ATP8B4: variants seen among roughly 807,000 people sequenced by gnomAD.
ATP8B4 encodes probable phospholipid-transporting ATPase IM.
ATP8B4 carries 133 observed loss-of-function variants against 145.6 expected under a neutral mutation model. That is an observed-to-expected ratio of 0.91 (90% confidence interval 0.79 to 1.05). The LOEUF (loss-of-function observed/expected upper bound fraction) is 1.05, where lower values mean the gene tolerates loss of function less well. Among genes scored for constraint, ATP8B4 ranks in the 50% least tolerant of loss-of-function variants. The pLI, the probability that ATP8B4 is intolerant of heterozygous loss-of-function variation, is 0.00. For synonymous variants in ATP8B4, 507 were observed against 492.9 expected, an observed-to-expected ratio of 1.03 and a Z score of -0.38; for missense variants, 1,458 against 1,425.2, an observed-to-expected ratio of 1.02 and a Z score of -0.37.
chr15:50,175,497 G>C lies in ATP8B4; in HGVS notation c.-43+6764C>G, dbSNP rs184495215. 7.2e-5 allele frequency among the ~76,000 whole-genome samples: 11 copies of C among 152,058 alleles called. 1 individual carries two copies. Among genetic ancestry groups the C allele is most frequent in the Admixed American group, 7.2e-4 (11 of 15,274 alleles). On this transcript the variant is annotated intron_variant, in intron 1 of 3. Transcript: ENST00000558829. ...AGAAACTAACCAACGAATCTAATCA[G>C]TAAGAAAACAACAAACAATCCTATC...
At chr15:49,864,769 C>T (rs147657493) in intron 26 of ATP8B4, among the ~76,000 whole-genome samples, 211 of 152,230 alleles carry the variant, frequency 1.4e-3, no homozygotes, top group African/African-American at 4.9e-3. Flanking sequence ...ATCACCATCA[C>T]CATGGTTAAC....
At chr15:49,994,318 TCA>T (rs924319794) in intron 9 of ATP8B4, among the ~76,000 whole-genome samples, 1 of 152,128 alleles carries the variant, frequency 6.6e-6, no homozygotes, top group Non-Finnish European at 1.5e-5. Flanking sequence ...CCCCATCGTT[TCA>T]CACTCTCTTC....
chr15:50,056,483 C>T (rs1273953014), intron 3 of ATP8B4, among the ~76,000 whole-genome samples: 1 of 152,064 alleles, frequency 6.6e-6, no homozygotes, highest in African/African-American at 2.4e-5. Flanking sequence ...CCTCAGGAAG[C>T]CTTCTTGCTT....
intron 6 of ATP8B4, among the ~76,000 whole-genome samples, chr15:50,016,164 C>G (rs910312702): frequency 2.0e-5 from 3 of 152,130 alleles, no homozygotes; most frequent in African/African-American, 7.2e-5. Flanking sequence ...GAACAATAAG[C>G]CTGCTGAATG....
At chr15:50,167,434 T>G (rs2044611606) in intron 1 of ATP8B4, among the ~76,000 whole-genome samples, 2 of 152,186 alleles carry the variant, frequency 1.3e-5, no homozygotes, top group Admixed American at 1.3e-4. Context: ...CACTTCAATC[T>G]CTGCCTCCAT....
intron 1 of ATP8B4, among the ~76,000 whole-genome samples, chr15:50,133,216 T>C (rs1375661858): frequency 2.0e-5 from 3 of 152,224 alleles, no homozygotes; most frequent in Non-Finnish European, 4.4e-5. Context: ...GAAGACATTA[T>C]GCTAGGTGAA....
intron 1 of ATP8B4, among the ~76,000 whole-genome samples, chr15:50,144,437 C>T (rs967320699): frequency 5.3e-5 from 8 of 152,154 alleles, no homozygotes; most frequent in Admixed American, 1.3e-4. Flanking sequence ...CCTCAGGAAA[C>T]TTACAATCAT....
intron 5 of ATP8B4, among the ~76,000 whole-genome samples, chr15:50,041,343 TC>T (rs2051268520): frequency 6.6e-6 from 1 of 152,220 alleles, no homozygotes; most frequent in Non-Finnish European, 1.5e-5. Context: ...GAGCTCTATG[TC>T]CTTTGAAAAG....
chr15:49,937,418 A>G (rs924904906), intron 14 of ATP8B4, among the ~76,000 whole-genome samples: 4 of 152,202 alleles, frequency 2.6e-5, no homozygotes, highest in African/African-American at 9.7e-5. Flanking sequence ...GAGGAATTCA[A>G]TAGACCTTCA....
intron 1 of ATP8B4, among the ~76,000 whole-genome samples, chr15:50,133,911 G>C (rs766742440): frequency 3.9e-5 from 6 of 152,136 alleles, no homozygotes; most frequent in Non-Finnish European, 8.8e-5. Context: ...CAAGGCAGGA[G>C]GATCGCTGAG....
At position 49,858,785 on chromosome 15, in the gene ATP8B4, CACTG is replaced by C. The variant is rs2031131377; in HGVS notation, c.*1405_*1408del. 6.6e-6 allele frequency: 1 copy of C among 152,352 alleles called. No homozygotes were observed. The highest frequency in any genetic ancestry group is 1.5e-5 in the Non-Finnish European group (1 of 68,026). The allele number at this position is 152,352 out of a possible 1,614,324, so 9.4% of individuals were successfully genotyped here. ...AATTTCATTTTATCAAAGCCTTCCT[CACTG>C]ACTATTTAGATTCCAGTTTTTTCAT... On this transcript the variant is annotated 3_prime_UTR_variant, in exon 28 of 28. Coordinates refer to ENST00000284509, the MANE Select transcript of ATP8B4 (RefSeq NM_024837.4).
chr15:50,058,843 GT>G (rs140088442), intron 3 of ATP8B4, among the ~76,000 whole-genome samples: 148 of 147,794 alleles, frequency 1.0e-3, no homozygotes, highest in Non-Finnish European at 1.7e-3. Context: ...TGGCTTTGTG[GT>G]TTTTTTTTTG....
At chr15:50,013,741 T>A (rs900574808) in intron 6 of ATP8B4, among the ~76,000 whole-genome samples, 11 of 152,300 alleles carry the variant, frequency 7.2e-5, no homozygotes, top group East Asian at 3.9e-4. Context: ...GCAAATTTTT[T>A]AAAAATATGC....
intron 14 of ATP8B4, among the ~76,000 whole-genome samples, chr15:49,950,366 C>T (rs1006250982): frequency 2.6e-5 from 4 of 152,052 alleles, no homozygotes; most frequent in African/African-American, 9.7e-5. Context: ...AAGGATTCAA[C>T]TTCTTCCTGG....
chr15:50,117,519 G>A (rs980713396), intron 1 of ATP8B4, among the ~76,000 whole-genome samples: 2 of 152,058 alleles, frequency 1.3e-5, no homozygotes, highest in Non-Finnish European at 2.9e-5. Context: ...AAAATCATTT[G>A]TTCCCTCATT....
At chr15:50,101,896 T>C (rs188619427) in intron 2 of ATP8B4, among the ~76,000 whole-genome samples, 233 of 152,214 alleles carry the variant, frequency 1.5e-3, no homozygotes, top group Non-Finnish European at 2.8e-3. Flanking sequence ...AAGTACTCTC[T>C]TAAACCACAG....
intron 3 of ATP8B4, among the ~76,000 whole-genome samples, chr15:50,047,747 G>A (rs1014311445): frequency 3.3e-5 from 5 of 152,184 alleles, no homozygotes; most frequent in African/African-American, 1.2e-4. Context: ...CTATTTGGCA[G>A]TCATTGCTTG....
chr15:49,982,847 T>C (rs1424354200), intron 10 of ATP8B4, among the ~76,000 whole-genome samples: 1 of 152,192 alleles, frequency 6.6e-6, no homozygotes, highest in East Asian at 1.9e-4. Context: ...CCAAAACAGA[T>C]CTGGTGTTAT....
intron 1 of ATP8B4, among the ~76,000 whole-genome samples, chr15:50,150,749 AACAAAT>A (rs1235629541): frequency 1.3e-5 from 2 of 152,382 alleles, no homozygotes; most frequent in East Asian, 1.9e-4. Context: ...TTTAACAAAT[AACAAAT>A]ACAAAGTTTA....
Sources: gnomAD v4.1 joint callset for allele counts (sites outside exome capture counted in the v4.1 genomes callset) on GRCh38, gnomAD v4.1.1 for gene constraint, MANE v1.5 for transcripts, NCBI Gene and HGNC (gene_info 2026-07-23, HGNC 2026-07-21) for gene names.